Variants in SLC12A2 observed in about 807,000 individuals in gnomAD.
SLC12A2 encodes the protein Na-K-2Cl cotransporter 1.
A neutral mutation model predicts 136.3 loss-of-function variants in SLC12A2; 67 were observed. The ratio of observed to expected loss-of-function variants is 0.49; its 90% CI spans 0.40 to 0.60. SLC12A2 has a LOEUF of 0.60. Among genes scored for constraint, SLC12A2 ranks in the 20% least tolerant of loss-of-function variants. The pLI, the probability that SLC12A2 is intolerant of heterozygous loss-of-function variation, is 0.00. For missense variants in SLC12A2, 1,322 were observed against 1,534.7 expected (o/e 0.86, Z 2.32); for synonymous variants, 619 against 562.9 (o/e 1.10, Z -1.41).
At chr5:128,106,273 T>TA (rs1351822657) in intron 1 of SLC12A2, among the ~76,000 whole-genome samples, 1 of 152,128 alleles carries the variant, frequency 6.6e-6, no homozygotes, top group Admixed American at 6.5e-5. Flanking sequence ...AAATGGCAGG[T>TA]AGAGTGAAGA....
rs1017219521 is a variant in SLC12A2, at chr5:128,177,268, A to T, written c.2977+116A>T. Reference sequence around the variant, plus strand: ...TTTATTTCCATGGTGAGGTAATGTTACAGTTCTATAAATGCAGATTAGAAA... The same window carrying T: ...TTTATTTCCATGGTGAGGTAATGTTTCAGTTCTATAAATGCAGATTAGAAA... On this transcript the variant is annotated intron_variant, in intron 21 of 26. Coordinates refer to ENST00000262461, the MANE Select transcript of SLC12A2 (RefSeq NM_001046.3). 7 of 687,116 alleles carry T rather than the reference A, an allele frequency of 1.0e-5. No homozygotes were observed. In the African/African-American group the frequency reaches 1.3e-4, roughly 13 times the overall value. 42.6% of individuals were successfully genotyped at this position (687,116 alleles called of 1,614,324 possible). A position where few individuals can be genotyped will look rare whatever the true frequency, so the allele number is the denominator to read the frequency against.
At chr5:128,095,824 C>T (rs757726289) in intron 1 of SLC12A2, among the ~76,000 whole-genome samples, 28 of 152,052 alleles carry the variant, frequency 1.8e-4, no homozygotes, top group Non-Finnish European at 2.8e-4. Flanking sequence ...TAGAGTTTTC[C>T]TGGTGATTCT....
chr5:128,105,504 G>A (rs1760899973), intron 1 of SLC12A2, among the ~76,000 whole-genome samples: 1 of 152,160 alleles, frequency 6.6e-6, no homozygotes, highest in Admixed American at 6.5e-5. Flanking sequence ...CAGCCAAGAA[G>A]TCATTGGATG....
chr5:128,110,947 G>A, intron 1 of SLC12A2: 3 of 833,784 alleles, frequency 3.6e-6, no homozygotes, highest in Middle Eastern at 3.0e-4. Flanking sequence ...GACTGAGAAT[G>A]ACCTCTTCCC....
At chr5:128,164,269 A>G (rs1210767725) in intron 17 of SLC12A2, among the ~76,000 whole-genome samples, 3 of 152,184 alleles carry the variant, frequency 2.0e-5, no homozygotes, top group Non-Finnish European at 4.4e-5. Flanking sequence ...TCACTGCTCT[A>G]GAAAGTCTCT....
intron 25 of SLC12A2, 63 bp downstream of exon 25, chr5:128,184,564 C>G (rs1458205835): frequency 2.1e-6 from 3 of 1,426,276 alleles, no homozygotes; most frequent in South Asian, 1.5e-5. Context: ...AAACCAAGAA[C>G]TTTAATTTGA....
chr5:128,107,238 T>C (rs1447191531), intron 1 of SLC12A2, among the ~76,000 whole-genome samples: 1 of 152,212 alleles, frequency 6.6e-6, no homozygotes, highest in Non-Finnish European at 1.5e-5. Flanking sequence ...GTTATTGTGA[T>C]TGAGCTACAC....
chr5:128,177,077 A>G (rs1287611584), intron 20 of SLC12A2, 28 bp from the exon 21 acceptor site: 1 of 1,475,200 alleles, frequency 6.8e-7, no homozygotes, highest in Non-Finnish European at 9.2e-7. Context: ...CAATTAACAT[A>G]TTTTTGTGTT....
At position 128,138,649 on chromosome 5, in the gene SLC12A2, C is replaced by G. The variant is rs772305204; in HGVS notation, c.1461C>G (p.Phe487Leu). The change falls in exon 8 of 27, where the codon TTC becomes TTG. Residue 487 changes from phenylalanine to leucine, a missense_variant. Phe to Leu is a conservative substitution (Grantham distance 22). This residue lies in a region of SLC12A2 where 110 missense variants were observed against 114.5 expected (regional missense o/e 0.96). Coordinates refer to ENST00000262461, the MANE Select transcript of SLC12A2 (RefSeq NM_001046.3). ...CCGATTTTCGAGAGGAAGAGACTTT[C>G]TTTTCTGTATTTGCCATCTTTTTTC... ...FGPDFREEET[F>L]FSVFAIFFPA... 34 of 1,613,516 alleles carry G rather than the reference C, an allele frequency of 2.1e-5. No individual in the cohort carries two copies. The highest frequency in any genetic ancestry group is 2.9e-5 in the Non-Finnish European group (34 of 1,179,790).
chr5:128,094,637 T>C (rs769307698), intron 1 of SLC12A2, among the ~76,000 whole-genome samples: 1 of 152,076 alleles, frequency 6.6e-6, no homozygotes, highest in Non-Finnish European at 1.5e-5. Context: ...AGTTCTAGTG[T>C]ATGGATGTAT....
chr5:128,149,229 A>G (rs963950400), intron 12 of SLC12A2, among the ~76,000 whole-genome samples: 1 of 151,828 alleles, frequency 6.6e-6, no homozygotes, highest in Non-Finnish European at 1.5e-5. Context: ...GTCTTCCACT[A>G]CTAAAGATGA....
At chr5:128,087,057 C>A (rs989566704) in intron 1 of SLC12A2, among the ~76,000 whole-genome samples, 2 of 152,236 alleles carry the variant, frequency 1.3e-5, no homozygotes, top group Non-Finnish European at 2.9e-5. Flanking sequence ...TAAAATACTT[C>A]AGAAACTTGT....
chr5:128,133,037 C>T (rs936648601), intron 5 of SLC12A2, among the ~76,000 whole-genome samples: 2 of 151,486 alleles, frequency 1.3e-5, no homozygotes, highest in African/African-American at 4.8e-5. Flanking sequence ...ATCTAAAAGC[C>T]AGTCAATAGA....
At chr5:128,110,050 TGTGTCACTACACCTTAAAAGA>T in intron 1 of SLC12A2, 1 of 1,027,134 alleles carries the variant, frequency 9.7e-7, no homozygotes, top group South Asian at 1.3e-5. Context: ...AGGCAGAGCC[TGTGTCACTACACCTTAAAAGA>T]TAACAAAGTT....
intron 4 of SLC12A2, among the ~76,000 whole-genome samples, chr5:128,119,683 T>C (rs2126679300): frequency 6.6e-6 from 1 of 152,316 alleles, no homozygotes; most frequent in South Asian, 2.1e-4. Context: ...TCTTTTGGCT[T>C]CCTTACACCT....
Position 128,178,656 on chromosome 5 carries a change from A to G in SLC12A2, c.3067A>G (p.Thr1023Ala). 1 of 1,590,704 alleles carries G rather than the reference A, an allele frequency of 6.3e-7. No homozygotes were observed. Among genetic ancestry groups the G allele is most frequent in the Non-Finnish European group, 8.5e-7 (1 of 1,170,490 alleles). ...TQFQKKQGKN[T>A]IDVWWLFDDG... ...GTTTCAGAAAAAACAAGGAAAGAATACTATTGATGTCTGGTGGCTTTTTGA... is the reference window on the plus strand; with the variant it reads ...GTTTCAGAAAAAACAAGGAAAGAATGCTATTGATGTCTGGTGGCTTTTTGA... The change falls in exon 22 of 27, where the codon ACT (threonine) becomes GCT (alanine). Residue 1023 changes from threonine (T) to alanine (A), a missense_variant. Around this residue, in one of 8 missense-constraint regions of SLC12A2, gnomAD observed 226 missense variants for 210.4 expected, o/e 1.07. Coordinates refer to ENST00000262461, the MANE Select transcript of SLC12A2 (RefSeq NM_001046.3).
intron 16 of SLC12A2, among the ~76,000 whole-genome samples, chr5:128,160,611 C>CT (rs769002743): frequency 2.4e-4 from 37 of 152,088 alleles, no homozygotes; most frequent in South Asian, 6.2e-4. Context: ...AATAATGAAC[C>CT]TTTTTTAATC....
At chr5:128,143,880 T>C (rs936165523) in intron 10 of SLC12A2, among the ~76,000 whole-genome samples, 1 of 149,928 alleles carries the variant, frequency 6.7e-6, no homozygotes, top group African/African-American at 2.4e-5. Context: ...GTAAAGGCAT[T>C]GTTTTTATTA....
intron 4 of SLC12A2, among the ~76,000 whole-genome samples, chr5:128,120,914 C>T (rs1284250854): frequency 6.6e-6 from 1 of 151,534 alleles, no homozygotes; most frequent in Non-Finnish European, 1.5e-5. Context: ...GAGATAATGC[C>T]TGTTTATTTA....
Sources: gnomAD v4.1 joint callset for allele counts (sites outside exome capture counted in the v4.1 genomes callset) on GRCh38, gnomAD v4.1.1 for gene constraint, gnomAD v4.1.1 regional missense constraint, MANE v1.5 for transcripts, NCBI Gene and HGNC (gene_info 2026-07-23, HGNC 2026-07-21) for gene names.